Variants in COPG2 observed in about 807,000 individuals in gnomAD.
COPG2 encodes coat protein complex I subunit gamma 2, also known as coatomer subunit gamma-2.
COPG2 carries 37 observed loss-of-function variants against 46.3 expected under a neutral mutation model. That is an observed-to-expected ratio of 0.80 (90% confidence interval 0.61 to 1.05). The LOEUF (loss-of-function observed/expected upper bound fraction) is 1.05. Ranked by LOEUF, COPG2 falls within the 50% of genes least tolerant of loss-of-function variation. The probability of loss-of-function intolerance (pLI) is 0.00; values close to 1 mark genes in which losing one functional copy is unlikely to be tolerated. For missense variants in COPG2, 427 were observed against 387.8 expected (o/e 1.10, Z -0.85); for synonymous variants, 159 against 129.7 (o/e 1.23, Z -1.53).
intron 5 of COPG2, among the ~76,000 whole-genome samples, chr7:130,632,030 CTGT>C (rs1487336301): frequency 6.6e-6 from 1 of 152,116 alleles, no homozygotes; most frequent in Non-Finnish European, 1.5e-5. Context: ...TTGTTTTCAG[CTGT>C]TGTTGTTTTC....
At chr7:130,540,531 G>T (rs1022017769) in intron 20 of COPG2, among the ~76,000 whole-genome samples, 2 of 152,146 alleles carry the variant, frequency 1.3e-5, no homozygotes, top group East Asian at 3.9e-4. Flanking sequence ...GGGTGGGGAG[G>T]CATTAAAAGA....
intron 11 of COPG2, among the ~76,000 whole-genome samples, chr7:130,561,681 C>T (rs1194340100): frequency 6.6e-6 from 1 of 152,176 alleles, no homozygotes; most frequent in Non-Finnish European, 1.5e-5. Context: ...TGCCATTCTC[C>T]TGCATCCTTG....
chr7:130,557,978 C>G (rs1336026922), intron 12 of COPG2, among the ~76,000 whole-genome samples: 2 of 151,812 alleles, frequency 1.3e-5, no homozygotes, highest in African/African-American at 4.8e-5. Context: ...AGAAAAGACA[C>G]TCCAGAAACA....
chr7:130,646,322 T>C (rs1795593966), intron 5 of COPG2, among the ~76,000 whole-genome samples: 1 of 152,206 alleles, frequency 6.6e-6, no homozygotes, highest in African/African-American at 2.4e-5. Flanking sequence ...CATCCCTTCT[T>C]AATACAACTT....
chr7:130,552,567 T>C (rs1429747114), intron 14 of COPG2, 137 bp from the exon 15 acceptor site: 3 of 392,520 alleles, frequency 7.6e-6, no homozygotes, highest in African/African-American at 6.2e-5. Context: ...TGTTTCTTGA[T>C]CTTATTTCTT....
intron 9 of COPG2, among the ~76,000 whole-genome samples, chr7:130,576,793 C>CA (rs1473074822): frequency 4.0e-5 from 6 of 151,668 alleles, no homozygotes; most frequent in African/African-American, 1.5e-4. Flanking sequence ...AACAAACAAA[C>CA]AAACAAAAAA....
chr7:130,629,986 C>T (rs1461198851), intron 5 of COPG2, among the ~76,000 whole-genome samples: 2 of 151,124 alleles, frequency 1.3e-5, no homozygotes, highest in Admixed American at 6.6e-5. Flanking sequence ...GGCGCAATCT[C>T]GGCTCACTGC....
chr7:130,643,806 A>AAC (rs1396932676), intron 5 of COPG2, among the ~76,000 whole-genome samples: 1 of 152,120 alleles, frequency 6.6e-6, no homozygotes, highest in Non-Finnish European at 1.5e-5. Context: ...ATTTAAAAAA[A>AAC]ACACACACAC....
At chr7:130,508,945 T>C (rs1799549405) in intron 20 of COPG2, 1 of 499,168 alleles carries the variant, frequency 2.0e-6, no homozygotes. Context: ...AGAGGTACTT[T>C]TGGGGGCTTT....
At chr7:130,651,115 C>T (rs1795728872) in intron 5 of COPG2, among the ~76,000 whole-genome samples, 1 of 152,140 alleles carries the variant, frequency 6.6e-6, no homozygotes, top group African/African-American at 2.4e-5. Flanking sequence ...ACCAGATTCA[C>T]TTCAATGAGT....
At chr7:130,624,235 T>C (rs1212811983) in intron 5 of COPG2, among the ~76,000 whole-genome samples, 6 of 152,128 alleles carry the variant, frequency 3.9e-5, no homozygotes, top group Non-Finnish European at 8.8e-5. Context: ...GAATTGAAAA[T>C]ACATACTTGG....
chr7:130,506,942 C>A, intron 23 of COPG2, 136 bp from the exon 24 acceptor site: 1 of 603,936 alleles, frequency 1.7e-6, no homozygotes, highest in Non-Finnish European at 2.9e-6. Context: ...AAACTGAATC[C>A]TAAACAAACA....
chr7:130,552,138 G>T (rs1410344569), intron 15 of COPG2, among the ~76,000 whole-genome samples: 6 of 152,210 alleles, frequency 3.9e-5, no homozygotes, highest in African/African-American at 1.4e-4. Context: ...CCAAGGCTAG[G>T]GGCTTTCATG....
chr7:130,541,306 G>C (rs1799934662), intron 20 of COPG2, among the ~76,000 whole-genome samples: 1 of 152,142 alleles, frequency 6.6e-6, no homozygotes, highest in Non-Finnish European at 1.5e-5. Context: ...GGGCTGTGCG[G>C]GTGAGAGCAG....
At chr7:130,523,959 G>A (rs1218312913) in intron 20 of COPG2, among the ~76,000 whole-genome samples, 3 of 148,744 alleles carry the variant, frequency 2.0e-5, no homozygotes, top group Non-Finnish European at 4.4e-5. Flanking sequence ...TTGTGCTGGC[G>A]GGGCAGGGGG....
At chr7:130,565,227 C>T (rs1175361574) in intron 9 of COPG2, among the ~76,000 whole-genome samples, 1 of 152,178 alleles carries the variant, frequency 6.6e-6, no homozygotes, top group Non-Finnish European at 1.5e-5. Context: ...GCTGTGAACT[C>T]CCGGGGCATG....
Position 130,554,609 on chromosome 7 carries a change from T to C in COPG2, c.1340A>G (p.Glu447Gly). ...AATCTTAGTAGCCAGAACAGTGTGT[T>C]CACAGTCCTCAATGAATTCACAAAG... The part of the protein sequence containing the change: ...AHLCEFIEDC[E>G]HTVLATKILH... Residue 447 changes from glutamate (E) to glycine (G), a missense_variant, in exon 14 of 24, where the codon GAA becomes GGA. Physicochemically the swap from Glu to Gly is moderately conservative, Grantham distance 98. Coordinates refer to ENST00000425248, the MANE Select transcript of COPG2 (RefSeq NM_012133.6). 1 of 398,528 alleles carries C rather than the reference T, an allele frequency of 2.5e-6. No homozygotes were observed. Among genetic ancestry groups the C allele is most frequent in the African/African-American group, 2.1e-5 (1 of 48,712 alleles). 24.7% of individuals were successfully genotyped at this position (398,528 alleles called of 1,614,324 possible). A position where few individuals can be genotyped will look rare whatever the true frequency, so the allele number is the denominator to read the frequency against.
intron 20 of COPG2, among the ~76,000 whole-genome samples, chr7:130,533,256 A>G (rs1799846364): frequency 6.8e-6 from 1 of 146,624 alleles, no homozygotes; most frequent in Non-Finnish European, 1.5e-5. Flanking sequence ...GAAGCAAAAT[A>G]TTCACAAGGA....
intron 20 of COPG2, among the ~76,000 whole-genome samples, chr7:130,514,781 C>T (rs1161256412): frequency 1.3e-5 from 2 of 152,222 alleles, no homozygotes; most frequent in African/African-American, 2.4e-5. Flanking sequence ...CTAAGGGGAG[C>T]ATTAAATAAA....
Sources: allele counts gnomAD v4.1 joint callset (sites outside exome capture counted in the v4.1 genomes callset), GRCh38; gene constraint gnomAD v4.1.1; transcripts MANE v1.5; gene names NCBI Gene and HGNC (gene_info 2026-07-23, HGNC 2026-07-21).